Variants in PDCD6IP observed in about 807,000 individuals in gnomAD.
PDCD6IP encodes programmed cell death 6-interacting protein.
In PDCD6IP, 43 loss-of-function variants were observed where a neutral mutation model predicts 103.7. The observed-to-expected ratio is 0.41, with a 90% confidence interval of 0.32 to 0.53. The LOEUF is 0.53. Ranked by LOEUF, PDCD6IP falls within the 20% of genes least tolerant of loss-of-function variation. The pLI, the probability that PDCD6IP is intolerant of heterozygous loss-of-function variation, is 0.16. For synonymous variants in PDCD6IP, 354 were observed against 378.7 expected, an observed-to-expected ratio of 0.93 and a Z score of 0.76; for missense variants, 871 against 1,036.7, an observed-to-expected ratio of 0.84 and a Z score of 2.20.
Position 33,841,925 on chromosome 3 carries a change from G to T in PDCD6IP, c.1210G>T (p.Ala404Ser), listed in dbSNP as rs560717229. 4 of 1,574,328 alleles carry T rather than the reference G, an allele frequency of 2.5e-6. No homozygotes were observed. The East Asian group carries it at 9.0e-5, about 35-fold the overall frequency. The change falls in exon 10 of 18, where the codon GCA becomes TCA. Residue 404 changes from alanine to serine, a missense_variant. Physicochemically the swap from Ala to Ser is moderately conservative, Grantham distance 99 (BLOSUM62 1). This residue lies in a region of PDCD6IP where 266 missense variants were observed against 390.5 expected (regional missense o/e 0.68). Coordinates refer to ENST00000307296, the MANE Select transcript of PDCD6IP (RefSeq NM_013374.6). ...GCTAGCTTCCCTTAATCTTCCAGCAGCAATTGAAGATGTGTCTGGAGACAC... is the reference window on the plus strand; with the variant it reads ...GCTAGCTTCCCTTAATCTTCCAGCATCAATTGAAGATGTGTCTGGAGACAC... The part of the protein sequence containing the change: ...GVLASLNLPA[A>S]IEDVSGDTVP...
intron 12 of PDCD6IP, among the ~76,000 whole-genome samples, chr3:33,847,549 A>G (rs1438909270): frequency 6.6e-6 from 1 of 152,222 alleles, no homozygotes; most frequent in African/African-American, 2.4e-5. Flanking sequence ...CAGAATTTTT[A>G]TGATAAAAAC....
chr3:33,822,031 A>G lies in PDCD6IP; in HGVS notation c.411A>G (p.Glu137=). The change falls in exon 4 of 18, where the codon GAA becomes GAG. Residue 137 remains glutamate (E), a synonymous_variant. Coordinates refer to ENST00000307296, the MANE Select transcript of PDCD6IP (RefSeq NM_013374.6). ...CAALASQIAA[E]QNLDNDEGLK... is the part of the protein sequence containing the mutation. Reference sequence around the variant, plus strand: ...CCTTAGCTAGCCAAATTGCAGCAGAACAGAACCTGGATAATGATGAAGGAT... The same window carrying G: ...CCTTAGCTAGCCAAATTGCAGCAGAGCAGAACCTGGATAATGATGAAGGAT... 3.7e-6 allele frequency: 6 copies of G among 1,614,152 alleles called. No homozygotes were observed. Among genetic ancestry groups the G allele is most frequent in the Non-Finnish European group, 5.1e-6 (6 of 1,179,994 alleles).
chr3:33,857,448 C>G (rs1697853874), intron 15 of PDCD6IP, among the ~76,000 whole-genome samples: 1 of 151,982 alleles, frequency 6.6e-6, no homozygotes, highest in Non-Finnish European at 1.5e-5. Context: ...AGCCACCCCC[C>G]CAGCCTAAAA....
intron 16 of PDCD6IP, 106 bp downstream of exon 16, chr3:33,864,235 C>T: frequency 1.4e-6 from 1 of 692,642 alleles, no homozygotes; most frequent in Non-Finnish European, 2.5e-6. Flanking sequence ...GTGGTTACCA[C>T]CTGCATCAGG....
chr3:33,806,356 A>G (rs907885667), intron 1 of PDCD6IP, among the ~76,000 whole-genome samples: 3 of 152,138 alleles, frequency 2.0e-5, no homozygotes, highest in African/African-American at 7.2e-5. Context: ...TCTTTAGGAA[A>G]GGTTCAGAGA....
intron 3 of PDCD6IP, among the ~76,000 whole-genome samples, chr3:33,818,356 C>T (rs1172405122): frequency 6.6e-6 from 1 of 151,420 alleles, no homozygotes; most frequent in East Asian, 1.9e-4. Flanking sequence ...GCTCCGCCCA[C>T]CTTGCCTTCC....
chr3:33,852,269 A>G (rs1353383394), intron 12 of PDCD6IP, among the ~76,000 whole-genome samples: 1 of 152,140 alleles, frequency 6.6e-6, no homozygotes, highest in Non-Finnish European at 1.5e-5. Context: ...AGTAAATTGT[A>G]GATGTTGGCT....
At chr3:33,864,729 G>T (rs1698027723) in intron 16 of PDCD6IP, among the ~76,000 whole-genome samples, 1 of 152,182 alleles carries the variant, frequency 6.6e-6, no homozygotes, top group Non-Finnish European at 1.5e-5. Flanking sequence ...CTTGAGTGCT[G>T]AAGTCTTTAG....
chr3:33,848,146 T>G (rs1438271592), intron 12 of PDCD6IP, among the ~76,000 whole-genome samples: 3 of 152,192 alleles, frequency 2.0e-5, no homozygotes, highest in Admixed American at 6.5e-5. Flanking sequence ...ATAGACATAT[T>G]GACAATGACT....
At chr3:33,850,002 T>C (rs1697679279) in intron 12 of PDCD6IP, among the ~76,000 whole-genome samples, 1 of 152,258 alleles carries the variant, frequency 6.6e-6, no homozygotes, top group Admixed American at 6.5e-5. Context: ...TGACCCTCTC[T>C]GTATCAGTCT....
In PDCD6IP at chr3:33,798,768, G is replaced by C. The variant is rs199826661; in HGVS notation, c.40G>C (p.Glu14Gln). ...FISVQLKKTS[E>Q]VDLAKPLVKF... ...CTCGGTGCAGCTGAAAAAGACCTCA[G>C]AGGTGGACCTGGCCAAGCCGCTGGT... is the stretch of plus-strand genomic sequence containing the variant. Residue 14 changes from glutamate to glutamine, a missense_variant, in exon 1 of 18, where the codon GAG (glutamate) becomes CAG (glutamine). By Grantham distance (29) the Glu-to-Gln change is conservative (BLOSUM62 2). Around this residue, in one of 5 missense-constraint regions of PDCD6IP, gnomAD observed 114 missense variants for 106.7 expected, o/e 1.07. Coordinates refer to ENST00000307296, the MANE Select transcript of PDCD6IP (RefSeq NM_013374.6). 17 of 1,575,868 alleles carry C rather than the reference G, an allele frequency of 1.1e-5. No homozygotes were observed. Among genetic ancestry groups the C allele is most frequent in the East Asian group, 4.7e-5 (2 of 42,128 alleles).
At chr3:33,845,154 TATTA>T (rs1428951878) in intron 11 of PDCD6IP, among the ~76,000 whole-genome samples, 1 of 152,166 alleles carries the variant, frequency 6.6e-6, no homozygotes, top group Non-Finnish European at 1.5e-5. Flanking sequence ...AAAAGATTAA[TATTA>T]ATTAACTTTT....
At chr3:33,799,099 G>T (rs1177276976) in intron 1 of PDCD6IP, 162 bp downstream of exon 1, 5 of 702,922 alleles carry the variant, frequency 7.1e-6, no homozygotes, top group Non-Finnish European at 9.2e-6. Context: ...TGGTGAGCAG[G>T]ACCCGCCCTG....
chr3:33,828,837 G>A lies in PDCD6IP; in HGVS notation c.718-16G>A. The A allele has an allele frequency of 1.9e-6, 3 of 1,612,504 alleles. No homozygotes were observed. The highest frequency in any genetic ancestry group is 2.2e-5 in the South Asian group (2 of 90,998). ...GTGTGGTTGGACTCTCCCCTGGTCA[G>A]TATTTTTATTTCCAGGAGGTGTTCC... On this transcript the variant is annotated splice_polypyrimidine_tract_variant and intron_variant, in intron 6 of 17. Transcript: ENST00000307296.
intron 7 of PDCD6IP, among the ~76,000 whole-genome samples, chr3:33,830,386 A>T (rs1016019341): frequency 6.6e-6 from 1 of 152,124 alleles, no homozygotes; most frequent in Non-Finnish European, 1.5e-5. Flanking sequence ...GGACTATTAG[A>T]TTTAAGTAAG....
chr3:33,826,756 C>A (rs1449127068), intron 6 of PDCD6IP, 176 bp downstream of exon 6: 5 of 1,329,340 alleles, frequency 3.8e-6, no homozygotes, highest in South Asian at 3.4e-5. Context: ...ATGAACAATT[C>A]TTTTATGTTT....
intron 9 of PDCD6IP, 128 bp downstream of exon 9, chr3:33,838,455 T>C (rs1267314469): frequency 3.7e-6 from 3 of 810,996 alleles, no homozygotes; most frequent in Non-Finnish European, 5.8e-6. Context: ...AGACACACAC[T>C]TACAACTATT....
At chr3:33,819,739 G>C (rs1696945365) in intron 3 of PDCD6IP, among the ~76,000 whole-genome samples, 1 of 152,142 alleles carries the variant, frequency 6.6e-6, no homozygotes, top group African/African-American at 2.4e-5. Context: ...GCCTTATTTT[G>C]CCTAGTGGTC....
At chr3:33,808,786 C>G (rs1397644614) in intron 1 of PDCD6IP, among the ~76,000 whole-genome samples, 2 of 152,162 alleles carry the variant, frequency 1.3e-5, no homozygotes, top group African/African-American at 4.8e-5. Context: ...TGATGATTCA[C>G]ACTCTTACAC....
Sources: allele counts gnomAD v4.1 joint callset (sites outside exome capture counted in the v4.1 genomes callset), GRCh38; gene constraint gnomAD v4.1.1; regional missense constraint gnomAD v4.1.1; transcripts MANE v1.5; gene names NCBI Gene and HGNC (gene_info 2026-07-23, HGNC 2026-07-21).